The following TBC1D31 variants were observed in gnomAD, a reference collection of about 807,000 sequenced individuals.
TBC1D31 encodes WD repeat domain 67.
Under a neutral mutation model 132.9 loss-of-function variants are expected in TBC1D31, and 99 were observed. The observed-to-expected ratio is 0.74, with a 90% CI of 0.63 to 0.88. The LOEUF is 0.88. TBC1D31 is among the 40% of genes least tolerant of loss of function. TBC1D31 has a pLI of 0.00. For synonymous variants in TBC1D31, 385 were observed against 419.4 expected, an observed-to-expected ratio of 0.92 and a Z score of 1.00; for missense variants, 1,134 against 1,256.6, an observed-to-expected ratio of 0.90 and a Z score of 1.48.
At chr8:123,101,584 T>A (rs1817423451) in intron 7 of TBC1D31, among the ~76,000 whole-genome samples, 2 of 152,112 alleles carry the variant, frequency 1.3e-5, no homozygotes, top group African/African-American at 4.8e-5. Context: ...CCTGCTAATT[T>A]TTGTATTTTT....
chr8:123,096,784 A>T (rs1586602148), intron 5 of TBC1D31, among the ~76,000 whole-genome samples: 1 of 152,240 alleles, frequency 6.6e-6, no homozygotes, highest in Admixed American at 6.5e-5. Context: ...TTGCAAGTCA[A>T]AACAACTTAC....
Position 123,152,013 on chromosome 8 carries a change from A to G in TBC1D31, c.*74A>G. On this transcript the variant is annotated 3_prime_UTR_variant, in exon 22 of 22. Transcript: ENST00000287380. Reference sequence around the variant, plus strand: ...AGTGACATTGATTTTTAGATTATTTATTTAAAATTCCTATAAAGATCAGCC... The same window carrying G: ...AGTGACATTGATTTTTAGATTATTTGTTTAAAATTCCTATAAAGATCAGCC... 3 of 1,302,046 alleles carry G rather than the reference A, an allele frequency of 2.3e-6. No homozygotes were observed. The South Asian group carries it at 7.5e-5, about 32-fold the overall frequency. The allele number at this position is 1,302,046 out of a possible 1,614,324, so 80.7% of individuals were successfully genotyped here.
chr8:123,072,712 G>C lies in TBC1D31; in HGVS notation c.-58G>C. On this transcript the variant is annotated 5_prime_UTR_variant, in exon 1 of 22. Coordinates refer to ENST00000287380, the MANE Select transcript of TBC1D31 (RefSeq NM_145647.4). ...CCGGGCCGGGAGCGCTGGGCCTGCC[G>C]GGAAGGCGCTGGGACGGTTACCCAG... 6.5e-7 allele frequency: 1 copy of C among 1,531,678 alleles called. No homozygotes were observed. The highest frequency in any genetic ancestry group is 8.8e-7 in the Non-Finnish European group (1 of 1,132,224). The allele number at this position is 1,531,678 out of a possible 1,614,324, so 94.9% of individuals were successfully genotyped here.
At position 123,109,542 on chromosome 8, in the gene TBC1D31, A is replaced by G. The variant is rs765878736; in HGVS notation, c.1358A>G (p.Lys453Arg). The G allele has an allele frequency of 5.0e-6, 8 of 1,613,888 alleles. No homozygotes were observed. In the African/African-American group the frequency reaches 5.3e-5, roughly 11 times the overall value. Reference sequence around the variant, plus strand: ...ACTGCGTTTAGTACCCTCATAGATAAGGGGACTCATGTGGCATTTCTCAAC... The same window carrying G: ...ACTGCGTTTAGTACCCTCATAGATAGGGGGACTCATGTGGCATTTCTCAAC... ...NHTAFSTLID[K>R]GTHVAFLNLQ... is the part of the protein sequence containing the mutation. Residue 453 changes from lysine to arginine, a missense_variant, in exon 10 of 22, where the codon AAG becomes AGG. Coordinates refer to ENST00000287380, the MANE Select transcript of TBC1D31 (RefSeq NM_145647.4).
intron 7 of TBC1D31, chr8:123,104,116 A>C (rs2130440266): frequency 6.6e-6 from 1 of 152,290 alleles, no homozygotes; most frequent in Non-Finnish European, 1.5e-5. Flanking sequence ...TTGGGAGGTT[A>C]TACTTCATGG....
rs1422104059 is a variant in TBC1D31 at position 123,142,234 on chromosome 8, GTTTCTGAAATGTATAACTT to G, written c.2641-23_2641-5del. 6.6e-7 allele frequency: 1 copy of G among 1,523,402 alleles called. No individual in the cohort carries two copies. The highest frequency in any genetic ancestry group is 2.2e-5 in the Admixed American group (1 of 46,330). The allele number at this position is 1,523,402 out of a possible 1,614,324, so 94.4% of individuals were successfully genotyped here. A position where few individuals can be genotyped will look rare whatever the true frequency, so the allele number is the denominator to read the frequency against. On this transcript the variant is annotated splice_polypyrimidine_tract_variant and intron_variant, in intron 18 of 21. Coordinates refer to ENST00000287380, the MANE Select transcript of TBC1D31 (RefSeq NM_145647.4). ...TTTTATGTACTAGTAGTTTGACCTT[GTTTCTGAAATGTATAACTT>G]TTTCCTAGGTGATTAAAGAAAATTT... is the stretch of plus-strand genomic sequence containing the variant.
At chr8:123,085,157 A>T (rs913243038) in intron 4 of TBC1D31, among the ~76,000 whole-genome samples, 1 of 152,204 alleles carries the variant, frequency 6.6e-6, no homozygotes, top group Non-Finnish European at 1.5e-5. Context: ...GCCTGTACTT[A>T]ATTAACTAGG....
chr8:123,084,114 TA>T, intron 3 of TBC1D31, 47 bp from the exon 4 acceptor site: 4 of 1,518,832 alleles, frequency 2.6e-6, no homozygotes, highest in Non-Finnish European at 3.6e-6. Flanking sequence ...ATGTTACTTC[TA>T]GACGTACAGT....
chr8:123,154,469 A>G (rs1006155089), downstream of TBC1D31, among the ~76,000 whole-genome samples: 3 of 152,168 alleles, frequency 2.0e-5, no homozygotes, highest in East Asian at 5.8e-4. Flanking sequence ...TGGCCAGGCC[A>G]GGGGTAGTCC....
At chr8:123,147,604 A>T (rs570247016) in intron 20 of TBC1D31, among the ~76,000 whole-genome samples, 1 of 152,252 alleles carries the variant, frequency 6.6e-6, no homozygotes, top group South Asian at 2.1e-4. Context: ...TGCCTCCATG[A>T]TGTCTTCCCT....
intron 7 of TBC1D31, 34 bp from the exon 8 acceptor site, chr8:123,105,254 A>G (rs1817813597): frequency 2.1e-6 from 3 of 1,422,878 alleles, no homozygotes; most frequent in Non-Finnish European, 2.8e-6. Flanking sequence ...AAGGATATCC[A>G]TTAGAATATA....
chr8:123,107,137 T>G (rs143932034), intron 8 of TBC1D31, among the ~76,000 whole-genome samples: 1 of 152,312 alleles, frequency 6.6e-6, no homozygotes, highest in African/African-American at 2.4e-5. Flanking sequence ...TACAAACAGT[T>G]TAAGCACAAT....
At chr8:123,145,398 G>C (rs534416163) in intron 20 of TBC1D31, among the ~76,000 whole-genome samples, 1 of 152,254 alleles carries the variant, frequency 6.6e-6, no homozygotes, top group Non-Finnish European at 1.5e-5. Context: ...GTGGAGTTCT[G>C]TTTGATTCTG....
At position 123,093,612 on chromosome 8, in the gene TBC1D31, A is replaced by G. The variant is rs1478419020; in HGVS notation, c.541A>G (p.Asn181Asp). The part of the protein sequence containing the change: ...IQKVFFLPLS[N>D]TILSCFKDNS... ...TTAGGTTTTCTTTCTACCATTAAGT[A>G]ATACCATCCTCAGCTGTTTTAAAGA... Residue 181 changes from asparagine (N) to aspartate (D), a missense_variant, in exon 5 of 22, where the codon AAT becomes GAT. Transcript: ENST00000287380. The G allele has an allele frequency of 5.6e-6, 9 of 1,608,046 alleles. No individual in the cohort carries two copies. In the East Asian group the frequency reaches 1.6e-4, roughly 28 times the overall value.
Position 123,150,119 on chromosome 8 carries a change from T to C in TBC1D31, c.3058T>C (p.Ser1020Pro), listed in dbSNP as rs547122178. Reference protein sequence around the residue: ...QLNDSSEMDPSTQISLNRRAV... With the variant: ...QLNDSSEMDPPTQISLNRRAV... ...AAATGACTCTTCTGAAATGGATCCCTCAACACAGAGTAAGTTGATAAGCAA... is the reference window on the plus strand; with the variant it reads ...AAATGACTCTTCTGAAATGGATCCCCCAACACAGAGTAAGTTGATAAGCAA... The change falls in exon 21 of 22, where the codon TCA (serine) becomes CCA (proline). Residue 1020 changes from serine to proline, a missense_variant. Ser to Pro is a moderately conservative substitution (Grantham distance 74). Coordinates refer to ENST00000287380, the MANE Select transcript of TBC1D31 (RefSeq NM_145647.4). 1.2e-6 allele frequency: 2 copies of C among 1,611,544 alleles called. No individual in the cohort carries two copies. The highest frequency in any genetic ancestry group is 1.3e-5 in the African/African-American group (1 of 74,982).
At chr8:123,086,845 G>T (rs1317239910) in intron 4 of TBC1D31, among the ~76,000 whole-genome samples, 1 of 152,060 alleles carries the variant, frequency 6.6e-6, no homozygotes, top group African/African-American at 2.4e-5. Context: ...AGCCTCCTGA[G>T]TACCTGGGAT....
At chr8:123,095,423 TGTAAA>T (rs1298715596) in intron 5 of TBC1D31, among the ~76,000 whole-genome samples, 1 of 152,360 alleles carries the variant, frequency 6.6e-6, no homozygotes, top group African/African-American at 2.4e-5. Context: ...GATGTACAGT[TGTAAA>T]GGAAAGGCAG....
chr8:123,144,563 C>T (rs963107096), intron 19 of TBC1D31, among the ~76,000 whole-genome samples, 154 bp from the exon 20 acceptor site: 9 of 152,206 alleles, frequency 5.9e-5, no homozygotes, highest in Non-Finnish European at 1.3e-4. Context: ...TGGGCCAACA[C>T]AGGCACCCCA....
chr8:123,153,108 C>T (rs181060639), downstream of TBC1D31, among the ~76,000 whole-genome samples: 18 of 152,280 alleles, frequency 1.2e-4, no homozygotes, highest in Non-Finnish European at 2.5e-4. Flanking sequence ...GTTTTCCATA[C>T]GTTTTTAGGT....
Sources: allele counts gnomAD v4.1 joint callset (sites outside exome capture counted in the v4.1 genomes callset), GRCh38; gene constraint gnomAD v4.1.1; transcripts MANE v1.5; gene names NCBI Gene and HGNC (gene_info 2026-07-23, HGNC 2026-07-21).